The following CD2BP2 variants were observed in gnomAD, a reference collection of about 807,000 sequenced individuals.
CD2BP2 encodes the protein CD2 cytoplasmic tail binding protein 2, also known as CD2 antigen cytoplasmic tail-binding protein 2.
CD2BP2 carries 27 observed loss-of-function variants against 35.9 expected under a neutral mutation model. The ratio of observed to expected loss-of-function variants is 0.75; its 90% CI spans 0.55 to 1.04. The LOEUF is 1.04. Among genes scored for constraint, CD2BP2 ranks in the 50% least tolerant of loss-of-function variants. CD2BP2 has a pLI of 0.00. For synonymous variants in CD2BP2, 213 were observed against 173.5 expected (o/e 1.23, Z -1.79); for missense variants, 497 against 444.3 (o/e 1.12, Z -1.07).
At chr16:30,354,464 G>A (rs1353277631) in intron 2 of CD2BP2, 140 bp downstream of exon 2, 2 of 1,339,748 alleles carry the variant, frequency 1.5e-6, no homozygotes, top group East Asian at 2.3e-5. Context: ...CACTAAAGAC[G>A]CTCCCAACCC....
intron 1 of CD2BP2, 65 bp from the exon 2 acceptor site, chr16:30,354,772 G>A (rs796313928): frequency 2.7e-6 from 3 of 1,120,214 alleles, no homozygotes; most frequent in South Asian, 2.5e-5. Flanking sequence ...ACGCAGCACA[G>A]CAAACATTTT....
In CD2BP2 at chr16:30,351,275, C is replaced by G. The variant is rs576038447; in HGVS notation, c.*1710G>C. 10 of 152,366 alleles carry G rather than the reference C, an allele frequency of 6.6e-5. No homozygotes were observed. The highest frequency in any genetic ancestry group is 1.5e-4 in the Non-Finnish European group (10 of 68,148). The allele number at this position is 152,366 out of a possible 1,614,324, so 9.4% of individuals were successfully genotyped here. ...GCTAGGTTTGAGTGCCTGGAGGACA[C>G]TGGCAGGAGGCGCCCCTGGGCTCCA... On this transcript the variant is annotated 3_prime_UTR_variant, in exon 7 of 7. Transcript: ENST00000305596.
intron 1 of CD2BP2, 161 bp from the exon 2 acceptor site, chr16:30,354,868 G>A: frequency 1.6e-6 from 1 of 630,748 alleles, no homozygotes; most frequent in South Asian, 1.8e-5. Context: ...GAGGCCTCCA[G>A]GACTTGGGTC....
chr16:30,351,661 C>G lies in CD2BP2; in HGVS notation c.*1324G>C. ...CTGGGATCCCAAGTGTCCTGCAGCT[C>G]CAGTGCCCAGACCCCCATAACTAAC... On this transcript the variant is annotated 3_prime_UTR_variant, in exon 7 of 7. Transcript: ENST00000305596. The G allele has an allele frequency of 6.5e-6, 1 of 152,674 alleles. No individual in the cohort carries two copies. The highest frequency in any genetic ancestry group is 1.9e-4 in the East Asian group (1 of 5,220). 9.5% of individuals were successfully genotyped at this position (152,674 alleles called of 1,614,324 possible). A position where few individuals can be genotyped will look rare whatever the true frequency, so the allele number is the denominator to read the frequency against.
Position 30,353,062 on chromosome 16 carries a change from C to T in CD2BP2, c.949G>A (p.Val317Ile), listed in dbSNP as rs1354781863. Residue 317 changes from valine (V) to isoleucine (I), a missense_variant, in exon 7 of 7, where the codon GTT becomes ATT. Val to Ile is a conservative substitution (Grantham distance 29). Transcript: ENST00000305596. ...GGGGGGTCCAGCTTCCGGCAATAAA[C>T]ACCGTCCGGGAAGTAGCCTTCACTC... ...WVSEGYFPDGVYCRKLDPPGG... is the reference protein window; with the variant it reads ...WVSEGYFPDGIYCRKLDPPGG... 1 of 1,614,100 alleles carries T rather than the reference C, an allele frequency of 6.2e-7. No homozygotes were observed. Among genetic ancestry groups the T allele is most frequent in the Admixed American group, 1.7e-5 (1 of 60,012 alleles).
In CD2BP2 at chr16:30,353,341, G is replaced by A. The variant is rs771482116; in HGVS notation, c.808+27C>T. On this transcript the variant is annotated intron_variant, in intron 5 of 6. Coordinates refer to ENST00000305596, the MANE Select transcript of CD2BP2 (RefSeq NM_006110.3). ...TCCAGTGTCTCACTTCCTACCCACT[G>A]CCCCCTCCTCTGTCCTCCAAGCTCA... The A allele has an allele frequency of 6.8e-6, 11 of 1,613,188 alleles. No homozygotes were observed. In the South Asian group the frequency reaches 9.9e-5, roughly 14 times the overall value.
Position 30,354,224 on chromosome 16 carries a change from C to A in CD2BP2, c.177G>T (p.Gly59=), listed in dbSNP as rs769036766. 26 of 1,613,874 alleles carry A rather than the reference C, an allele frequency of 1.6e-5. No homozygotes were observed. The Admixed American group carries it at 3.0e-4, about 19-fold the overall frequency. The part of the protein sequence containing the change: ...SDEEEDDDDG[G]SSKYDILASE... Reference sequence around the variant, plus strand: ...AGGCCAAGATGTCATATTTGCTGGACCCCCCATCATCATCATCCTCCTCCT... The same window carrying A: ...AGGCCAAGATGTCATATTTGCTGGAACCCCCATCATCATCATCCTCCTCCT... Residue 59 remains glycine, a synonymous_variant, in exon 3 of 7, where the codon GGG becomes GGT. Coordinates refer to ENST00000305596, the MANE Select transcript of CD2BP2 (RefSeq NM_006110.3).
rs750989272 is a variant in CD2BP2, at chr16:30,354,695, G to C, written c.-14C>G. On this transcript the variant is annotated 5_prime_UTR_variant, in exon 2 of 7. Transcript: ENST00000305596. ...CCTCTTTGGCATGACGGGGCAAAGA[G>C]GTGTTTCTCAAGCTGAGGAAAGGAT... The C allele has an allele frequency of 7.4e-6, 12 of 1,613,510 alleles. No homozygotes were observed. The East Asian group carries it at 2.2e-4, about 30-fold the overall frequency.
intron 2 of CD2BP2, 34 bp from the exon 3 acceptor site, chr16:30,354,356 G>A (rs746610863): frequency 1.0e-5 from 16 of 1,598,778 alleles, no homozygotes; most frequent in South Asian, 3.4e-5. Flanking sequence ...GAGAAATGCA[G>A]GTTACTGGCT....
At position 30,354,032 on chromosome 16, in the gene CD2BP2, C is replaced by T. The variant is rs748044556; in HGVS notation, c.244G>A (p.Glu82Lys). ...AAGGGTGTGATCCGAACACCCCCCT[C>T]GCTGGGGAGTGTGGCTGCCTCCTGA... ...EGQEAATLPS[E>K]GGVRITPFNL... Residue 82 changes from glutamate (E) to lysine (K), a missense_variant, in exon 4 of 7, where the codon GAG becomes AAG. Physicochemically the swap from Glu to Lys is moderately conservative, Grantham distance 56. Transcript: ENST00000305596. 1.2e-6 allele frequency: 2 copies of T among 1,614,166 alleles called. 1 individual carries two copies. The highest frequency in any genetic ancestry group is 2.2e-5 in the South Asian group (2 of 91,088).
chr16:30,353,843 G>A (rs2049508135), intron 4 of CD2BP2, 43 bp from the exon 5 acceptor site: 2 of 1,607,644 alleles, frequency 1.2e-6, no homozygotes, highest in Non-Finnish European at 1.7e-6. Flanking sequence ...ACTGCCACGG[G>A]AGCAGGCCCA....
intron 1 of CD2BP2, 162 bp from the exon 2 acceptor site, chr16:30,354,869 G>A (rs911899818): frequency 1.6e-6 from 1 of 629,020 alleles, no homozygotes; most frequent in African/African-American, 1.8e-5. Flanking sequence ...AGGCCTCCAG[G>A]ACTTGGGTCT....
At chr16:30,354,112 C>T in intron 3 of CD2BP2, 54 bp from the exon 4 acceptor site, 1 of 1,595,548 alleles carries the variant, frequency 6.3e-7, no homozygotes, top group Non-Finnish European at 8.5e-7. Context: ...GAGACCGGAG[C>T]CTCCCTCGCT....
At chr16:30,354,999 G>A (rs1024602288) in intron 1 of CD2BP2, 5 of 322,542 alleles carry the variant, frequency 1.6e-5, no homozygotes, top group Non-Finnish European at 2.9e-5. Flanking sequence ...CCCGCAGTCT[G>A]CGCGCCACCG....
chr16:30,355,000 C>CGCGCCACCG (rs2049524095), intron 1 of CD2BP2: 2 of 320,924 alleles, frequency 6.2e-6, no homozygotes, highest in Non-Finnish European at 1.2e-5. Context: ...CCGCAGTCTG[C>CGCGCCACCG]GCGCCACCGG....
At position 30,350,936 on chromosome 16, in the gene CD2BP2, G is replaced by T. The variant is rs2049477036; in HGVS notation, c.*2049C>A. 6.6e-6 allele frequency: 1 copy of T among 152,648 alleles called. No individual in the cohort carries two copies. The highest frequency in any genetic ancestry group is 1.5e-5 in the Non-Finnish European group (1 of 68,054). The allele number at this position is 152,648 out of a possible 1,614,324, so 9.5% of individuals were successfully genotyped here. On this transcript the variant is annotated 3_prime_UTR_variant, in exon 7 of 7. Coordinates refer to ENST00000305596, the MANE Select transcript of CD2BP2 (RefSeq NM_006110.3). ...TCCTCCAGGGGCCACCTCATCGCCT[G>T]GCCCCAGGCCTTCTTGCCATCTTCA... is the stretch of plus-strand genomic sequence containing the variant.
At chr16:30,353,872 C>T (rs2049508665) in intron 4 of CD2BP2, 29 bp downstream of exon 4, 12 of 1,612,074 alleles carry the variant, frequency 7.4e-6, no homozygotes, top group Non-Finnish European at 1.0e-5. Flanking sequence ...CACTCCCAGG[C>T]CCCAGCCACG....
intron 1 of CD2BP2, 145 bp from the exon 2 acceptor site, chr16:30,354,852 A>G: frequency 1.5e-6 from 1 of 667,706 alleles, no homozygotes. Flanking sequence ...GGAAGCTGGC[A>G]GCCAGGAGGC....
In CD2BP2 at chr16:30,351,664, G is replaced by C. The variant is rs918886354; in HGVS notation, c.*1321C>G. 8 of 152,590 alleles carry C rather than the reference G, an allele frequency of 5.2e-5. No homozygotes were observed. Among genetic ancestry groups the C allele is most frequent in the Admixed American group, 3.9e-4 (6 of 15,270 alleles). The allele number at this position is 152,590 out of a possible 1,614,324, so 9.5% of individuals were successfully genotyped here. A position where few individuals can be genotyped will look rare whatever the true frequency, so the allele number is the denominator to read the frequency against. On this transcript the variant is annotated 3_prime_UTR_variant, in exon 7 of 7. Transcript: ENST00000305596. Reference sequence around the variant, plus strand: ...GGATCCCAAGTGTCCTGCAGCTCCAGTGCCCAGACCCCCATAACTAACAGA... The same window carrying C: ...GGATCCCAAGTGTCCTGCAGCTCCACTGCCCAGACCCCCATAACTAACAGA...
Sources: gnomAD v4.1 joint callset for allele counts on GRCh38, gnomAD v4.1.1 for gene constraint, MANE v1.5 for transcripts, NCBI Gene and HGNC (gene_info 2026-07-23, HGNC 2026-07-21) for gene names.